Variants in MTARC2 observed in about 807,000 individuals in gnomAD.
MTARC2 encodes the protein mitochondrial amidoxime reducing component 2, also known as MOCO sulphurase C-terminal domain containing 2.
A neutral mutation model predicts 35.6 loss-of-function variants in MTARC2; 27 were observed. The ratio of observed to expected loss-of-function variants is 0.76; its 90% CI spans 0.56 to 1.04. The LOEUF (loss-of-function observed/expected upper bound fraction) is 1.04. Ranked by LOEUF, MTARC2 falls within the 50% of genes least tolerant of loss-of-function variation. MTARC2 has a pLI of 0.00. For synonymous variants in MTARC2, 158 were observed against 167.1 expected (o/e 0.95, Z 0.42); for missense variants, 412 against 432.5 (o/e 0.95, Z 0.42).
At chr1:220,755,767 G>A (rs1671261167) in intron 2 of MTARC2, among the ~76,000 whole-genome samples, 1 of 152,188 alleles carries the variant, frequency 6.6e-6, no homozygotes. Context: ...AGCCCTGGAA[G>A]AAGCAGTTTC....
intron 4 of MTARC2, among the ~76,000 whole-genome samples, chr1:220,765,028 G>A (rs76715308): frequency 0.013 from 2,028 of 152,254 alleles, 32 homozygotes; most frequent in East Asian, 0.06. Context: ...AGTGTCAGAC[G>A]TGCTTTAGTG....
chr1:220,779,859 T>G (rs12030456), intron 4 of MTARC2, 159 bp from the exon 5 acceptor site: 6,232 of 514,796 alleles, frequency 0.012, 110 homozygotes, highest in East Asian at 0.053. Context: ...TTGCCAGCAT[T>G]CTGCCTCCCT....
intron 4 of MTARC2, among the ~76,000 whole-genome samples, chr1:220,779,725 C>G (rs59036429): frequency 0.02 from 3,038 of 152,276 alleles, 118 homozygotes; most frequent in African/African-American, 0.069. Flanking sequence ...CATTGTATAT[C>G]TACACATTGA....
chr1:220,778,071 C>T (rs1210061090), intron 4 of MTARC2, among the ~76,000 whole-genome samples: 4 of 151,854 alleles, frequency 2.6e-5, no homozygotes, highest in African/African-American at 9.7e-5. Flanking sequence ...GGCGAAACCC[C>T]ATCAGTACTA....
At chr1:220,776,012 G>T (rs187043365) in intron 4 of MTARC2, among the ~76,000 whole-genome samples, 1 of 152,324 alleles carries the variant, frequency 6.6e-6, no homozygotes, top group Admixed American at 6.5e-5. Context: ...CTTTGTGGTA[G>T]AATGATTTAT....
chr1:220,777,416 G>T (rs568044556), intron 4 of MTARC2, among the ~76,000 whole-genome samples: 8 of 152,300 alleles, frequency 5.3e-5, no homozygotes, highest in East Asian at 1.9e-4. Context: ...CAGCGGCAGA[G>T]GGAGAAAAGT....
chr1:220,780,495 C>T (rs1325997553), intron 6 of MTARC2, among the ~76,000 whole-genome samples: 1 of 151,052 alleles, frequency 6.6e-6, no homozygotes, highest in Non-Finnish European at 1.5e-5. Context: ...CTCTGTCCCC[C>T]AGGCTGGAGT....
intron 4 of MTARC2, among the ~76,000 whole-genome samples, chr1:220,769,850 T>G (rs1671688750): frequency 6.7e-6 from 1 of 149,006 alleles, no homozygotes; most frequent in Non-Finnish European, 1.5e-5. Context: ...GCTTTTTCTT[T>G]TTTTTTTTGG....
At chr1:220,783,817 A>T (rs894652541) in intron 7 of MTARC2, 102 bp from the exon 8 acceptor site, 1 of 711,256 alleles carries the variant, frequency 1.4e-6, no homozygotes. Flanking sequence ...CCATACATTT[A>T]TATGTGTAAC....
intron 2 of MTARC2, 23 bp from the exon 3 acceptor site, chr1:220,761,635 G>A (rs1671437957): frequency 6.3e-7 from 1 of 1,598,716 alleles, no homozygotes; most frequent in Non-Finnish European, 8.5e-7. Flanking sequence ...AAGTAACCTG[G>A]TGTTCTTTTG....
intron 4 of MTARC2, among the ~76,000 whole-genome samples, chr1:220,778,319 A>G (rs1484866715): frequency 6.6e-6 from 1 of 151,984 alleles, no homozygotes; most frequent in Admixed American, 6.6e-5. Flanking sequence ...TACAGGATGC[A>G]TAGCGGCTTC....
At chr1:220,779,918 TCTG>T in intron 4 of MTARC2, 97 bp from the exon 5 acceptor site, 1 of 893,096 alleles carries the variant, frequency 1.1e-6, no homozygotes, top group Non-Finnish European at 1.6e-6. Flanking sequence ...GCTGCTTTCT[TCTG>T]CTATAATAGT....
chr1:220,758,059 G>A lies in MTARC2; in HGVS notation c.446+2939G>A, dbSNP rs535737839. On this transcript the variant is annotated intron_variant, in intron 2 of 7. Transcript: ENST00000366913. The stretch of plus-strand genomic sequence containing the variant: ...GAGTGCAGTGGCGCGATCTCAACTC[G>A]CTGTAACCTCTGCCTCCTGGGTTCA... Among the ~76,000 whole-genome samples, 81 of 151,842 alleles carry A rather than the reference G, an allele frequency of 5.3e-4. 1 individual carries two copies. The highest frequency in any genetic ancestry group is 1.7e-3 in the Admixed American group (26 of 15,252).
chr1:220,772,940 G>C (rs1439657105), intron 4 of MTARC2, among the ~76,000 whole-genome samples: 1 of 152,156 alleles, frequency 6.6e-6, no homozygotes, highest in African/African-American at 2.4e-5. Context: ...TTCGTCTCTG[G>C]TTCCTGGCAC....
At chr1:220,771,296 CAAAA>C (rs57776178) in intron 4 of MTARC2, among the ~76,000 whole-genome samples, 35 of 57,100 alleles carry the variant, frequency 6.1e-4, no homozygotes, top group East Asian at 1.9e-3. Context: ...GAGACTGTCT[CAAAA>C]AAAAAAAAAA....
chr1:220,779,179 G>T (rs906464908), intron 4 of MTARC2, among the ~76,000 whole-genome samples: 1 of 152,106 alleles, frequency 6.6e-6, no homozygotes, highest in African/African-American at 2.4e-5. Context: ...ATATGTATAT[G>T]TATGTGTGTG....
intron 1 of MTARC2, among the ~76,000 whole-genome samples, chr1:220,753,465 C>T (rs1030033308): frequency 3.3e-5 from 5 of 152,148 alleles, no homozygotes; most frequent in Admixed American, 2.6e-4. Context: ...AAGGACTTTA[C>T]GGATAAGGAG....
chr1:220,777,686 A>T (rs1024223151), intron 4 of MTARC2, among the ~76,000 whole-genome samples: 1 of 152,116 alleles, frequency 6.6e-6, no homozygotes, highest in Non-Finnish European at 1.5e-5. Context: ...TCAAACCTTA[A>T]ATCAGTAGGT....
At chr1:220,781,684 T>A (rs1672074935) in intron 6 of MTARC2, 94 bp from the exon 7 acceptor site, 2 of 1,357,394 alleles carry the variant, frequency 1.5e-6, no homozygotes, top group Non-Finnish European at 2.1e-6. Flanking sequence ...TGTGTATTTA[T>A]AAATAACTTG....
Sources: allele counts gnomAD v4.1 joint callset (sites outside exome capture counted in the v4.1 genomes callset), GRCh38; gene constraint gnomAD v4.1.1; transcripts MANE v1.5; gene names NCBI Gene and HGNC (gene_info 2026-07-23, HGNC 2026-07-21).